TDRD12: variants seen among roughly 807,000 people sequenced by gnomAD.
The protein encoded by TDRD12 is putative ATP-dependent RNA helicase TDRD12.
A neutral mutation model predicts 133.5 loss-of-function variants in TDRD12; 158 were observed. The observed-to-expected ratio is 1.18, with a 90% confidence interval of 1.04 to 1.35. TDRD12 has a LOEUF of 1.35. Ranked by LOEUF, TDRD12 falls within the 40% of genes most tolerant of loss-of-function variation. The pLI, the probability that TDRD12 is intolerant of heterozygous loss-of-function variation, is 0.00. For missense variants in TDRD12, 1,443 were observed against 1,321.3 expected, an observed-to-expected ratio of 1.09 and a Z score of -1.43; for synonymous variants, 460 against 477.9, an observed-to-expected ratio of 0.96 and a Z score of 0.49.
intron 13 of TDRD12, 104 bp from the exon 14 acceptor site, chr19:32,794,524 G>A (rs1263172908): frequency 8.1e-6 from 5 of 618,444 alleles, no homozygotes; most frequent in South Asian, 7.8e-5. Context: ...AAAATACTGG[G>A]TTTGGCAATG....
At chr19:32,821,959 G>C (rs191320239), downstream of TDRD12, among the ~76,000 whole-genome samples, 1 of 152,154 alleles carries the variant, frequency 6.6e-6, no homozygotes, top group Non-Finnish European at 1.5e-5. Context: ...GTGCCATAAA[G>C]AAAAAAGATA....
chr19:32,783,621 G>A lies in TDRD12; in HGVS notation c.1121+6392G>A, dbSNP rs145395681. ...GCATGGAATGTTTTTCCATTTGTTTGTGTCCTCTCTTATTTTCTTGAGCAG... is the reference window on the plus strand; with the variant it reads ...GCATGGAATGTTTTTCCATTTGTTTATGTCCTCTCTTATTTTCTTGAGCAG... On this transcript the variant is annotated intron_variant, in intron 11 of 27. Coordinates refer to ENST00000444215, the Ensembl canonical transcript of TDRD12. Among the ~76,000 whole-genome samples the A allele has an allele frequency of 1.4e-3, 209 of 152,276 alleles. 1 individual carries two copies. The highest frequency in any genetic ancestry group is 2.3e-3 in the Non-Finnish European group (158 of 68,026).
At chr19:32,788,939 C>G (rs1397064417) in intron 11 of TDRD12, among the ~76,000 whole-genome samples, 1 of 152,202 alleles carries the variant, frequency 6.6e-6, no homozygotes, top group Admixed American at 6.5e-5. Flanking sequence ...GTCTCACTGT[C>G]CTGTGTGTGC....
exon 1 of TDRD12, chr19:32,720,000 G>T: frequency 6.6e-7 from 1 of 1,523,378 alleles, no homozygotes; most frequent in Non-Finnish European, 8.8e-7. Context: ...CGGGGCGGAC[G>T]CAGCCAGCCT....
chr19:32,780,898 C>T (rs1488821119), intron 11 of TDRD12, among the ~76,000 whole-genome samples: 2 of 150,360 alleles, frequency 1.3e-5, no homozygotes, highest in African/African-American at 4.9e-5. Flanking sequence ...GCTGGGACTA[C>T]TGTCTGCCAC....
intron 1 of TDRD12, 92 bp downstream of exon 1, chr19:32,720,188 C>T (rs1450247889): frequency 7.0e-5 from 101 of 1,436,754 alleles, no homozygotes; most frequent in Admixed American, 3.5e-4. Flanking sequence ...ACCCCAGCTC[C>T]GCACAGCTTC....
chr19:32,796,150 G>A (rs1568483286), intron 14 of TDRD12: 33 of 985,310 alleles, frequency 3.3e-5, no homozygotes, highest in Middle Eastern at 1.0e-3. Flanking sequence ...TGTGGAACCT[G>A]CATCTCGGGG....
intron 3 of TDRD12, among the ~76,000 whole-genome samples, chr19:32,741,864 A>G (rs1043398831): frequency 1.3e-5 from 2 of 152,196 alleles, no homozygotes; most frequent in African/African-American, 2.4e-5. Context: ...CCTGGGTAGC[A>G]TAGTGAGACC....
chr19:32,765,379 C>G (rs1364365960), intron 8 of TDRD12, among the ~76,000 whole-genome samples: 4 of 152,110 alleles, frequency 2.6e-5, no homozygotes, highest in Non-Finnish European at 4.4e-5. Flanking sequence ...CCCAGCCATC[C>G]CATTACTGGG....
chr19:32,823,080 G>A (rs1349960626), downstream of TDRD12, among the ~76,000 whole-genome samples: 2 of 152,210 alleles, frequency 1.3e-5, no homozygotes, highest in African/African-American at 2.4e-5. Flanking sequence ...CTTCCCAGGA[G>A]GGCGGGATAA....
intron 1 of TDRD12, among the ~76,000 whole-genome samples, chr19:32,723,882 G>T (rs911499849): frequency 6.6e-6 from 1 of 152,126 alleles, no homozygotes; most frequent in African/African-American, 2.4e-5. Context: ...AAAAGACACA[G>T]GGTCTTGCTT....
chr19:32,770,164 G>T (rs896430519), intron 8 of TDRD12, among the ~76,000 whole-genome samples: 1 of 151,774 alleles, frequency 6.6e-6, no homozygotes, highest in Non-Finnish European at 1.5e-5. Context: ...GCACCACCAT[G>T]CCCAGCTAAT....
chr19:32,721,417 C>T (rs1449908103), intron 1 of TDRD12, among the ~76,000 whole-genome samples: 2 of 152,014 alleles, frequency 1.3e-5, no homozygotes, highest in Non-Finnish European at 1.5e-5. Context: ...TGGAGTTTCG[C>T]TCTTGTTGTC....
At chr19:32,809,472 A>G (rs1429023051) in intron 22 of TDRD12, among the ~76,000 whole-genome samples, 1 of 152,048 alleles carries the variant, frequency 6.6e-6, no homozygotes, top group Non-Finnish European at 1.5e-5. Context: ...CCAAGTGCCT[A>G]CTTCTCACTC....
At chr19:32,827,282 G>T in exon 10 of TDRD12, 1 of 1,230,068 alleles carries the variant, frequency 8.1e-7, no homozygotes, top group Non-Finnish European at 1.0e-6. Context: ...CTCAAGAGCG[G>T]CTGGAAGATG....
At chr19:32,731,656 C>G in intron 1 of TDRD12, 69 bp from the exon 2 acceptor site, 6 of 1,362,280 alleles carry the variant, frequency 4.4e-6, no homozygotes, top group Non-Finnish European at 5.8e-6. Flanking sequence ...AATCGTGGCT[C>G]TAAAGTTTAT....
chr19:32,775,852 A>C (rs1440402344), intron 10 of TDRD12, among the ~76,000 whole-genome samples: 1 of 151,898 alleles, frequency 6.6e-6, no homozygotes, highest in East Asian at 1.9e-4. Context: ...GTGCTGAGTA[A>C]CTTTGGACTC....
chr19:32,803,396 C>T (rs1392335548), intron 21 of TDRD12, among the ~76,000 whole-genome samples: 3 of 152,188 alleles, frequency 2.0e-5, no homozygotes, highest in African/African-American at 7.2e-5. Context: ...GCTTCTTTCT[C>T]TCAGCCTCAT....
chr19:32,762,852 G>A (rs1297942134), intron 8 of TDRD12, among the ~76,000 whole-genome samples: 1 of 152,146 alleles, frequency 6.6e-6, no homozygotes, highest in Non-Finnish European at 1.5e-5. Flanking sequence ...ACATCATAGG[G>A]TGTACTTACC....
Sources: allele counts gnomAD v4.1 joint callset (sites outside exome capture counted in the v4.1 genomes callset), GRCh38; gene constraint gnomAD v4.1.1; transcripts MANE v1.5; gene names NCBI Gene and HGNC (gene_info 2026-07-23, HGNC 2026-07-21).